The following LDB2 variants were observed in gnomAD, a reference collection of about 807,000 sequenced individuals.
LDB2 encodes the protein LIM domain binding 2, also known as LIM domain-binding protein 2.
LDB2 carries 12 observed loss-of-function variants against 44.3 expected under a neutral mutation model. The observed-to-expected ratio is 0.27, with a 90% CI of 0.17 to 0.44. The LOEUF (loss-of-function observed/expected upper bound fraction) is 0.44, where lower values mean the gene tolerates loss of function less well. Ranked by LOEUF, LDB2 falls within the 20% of genes least tolerant of loss-of-function variation. LDB2 has a pLI of 1.00. For missense variants in LDB2, 344 were observed against 473.5 expected (o/e 0.73, Z 2.54); for synonymous variants, 164 against 174.8 (o/e 0.94, Z 0.49).
intron 1 of LDB2, among the ~76,000 whole-genome samples, chr4:16,834,171 C>T (rs1239690928): frequency 6.6e-6 from 1 of 152,176 alleles, no homozygotes; most frequent in Non-Finnish European, 1.5e-5. Context: ...GGCTTATTGT[C>T]TGTTTTGTTC....
At chr4:16,714,737 C>T (rs1416038945) in intron 2 of LDB2, among the ~76,000 whole-genome samples, 3 of 151,988 alleles carry the variant, frequency 2.0e-5, no homozygotes, top group Non-Finnish European at 2.9e-5. Flanking sequence ...TGTTCCATAC[C>T]GTTCTCCTAA....
At chr4:16,657,555 A>T (rs1024601475) in intron 2 of LDB2, among the ~76,000 whole-genome samples, 4 of 152,166 alleles carry the variant, frequency 2.6e-5, no homozygotes, top group Admixed American at 6.6e-5. Context: ...AAAATACACA[A>T]GTCTGCCACA....
intron 5 of LDB2, among the ~76,000 whole-genome samples, chr4:16,512,465 A>G (rs1379362021): frequency 7.3e-5 from 11 of 150,422 alleles, no homozygotes; most frequent in Non-Finnish European, 1.3e-4. Flanking sequence ...CAAAACAAAA[A>G]CAAACAAACA....
intron 3 of LDB2, among the ~76,000 whole-genome samples, chr4:16,589,211 T>C (rs957123341): frequency 6.6e-6 from 1 of 152,250 alleles, no homozygotes; most frequent in Non-Finnish European, 1.5e-5. Context: ...CTTATTCTAA[T>C]CTTGGTTATC....
intron 2 of LDB2, among the ~76,000 whole-genome samples, chr4:16,597,893 G>A (rs1721443210): frequency 6.6e-6 from 1 of 152,108 alleles, no homozygotes; most frequent in Admixed American, 6.5e-5. Flanking sequence ...AAATTATGTA[G>A]TAAATACACT....
chr4:16,732,742 T>C (rs1286827103), intron 2 of LDB2, among the ~76,000 whole-genome samples: 2 of 152,210 alleles, frequency 1.3e-5, no homozygotes, highest in Non-Finnish European at 2.9e-5. Flanking sequence ...CATGTACATC[T>C]GAAGGATCGG....
intron 2 of LDB2, among the ~76,000 whole-genome samples, chr4:16,647,217 T>A (rs1485934255): frequency 1.3e-5 from 2 of 152,144 alleles, no homozygotes; most frequent in Admixed American, 1.3e-4. Context: ...AAATACCCCA[T>A]GCAGGATGAT....
chr4:16,696,010 G>A (rs1162250547), intron 2 of LDB2, among the ~76,000 whole-genome samples: 1 of 152,158 alleles, frequency 6.6e-6, no homozygotes, highest in Non-Finnish European at 1.5e-5. Context: ...TTGCTCTGAA[G>A]AAGCTGAAAA....
At chr4:16,869,265 G>T (rs1715714171) in intron 1 of LDB2, among the ~76,000 whole-genome samples, 1 of 150,700 alleles carries the variant, frequency 6.6e-6, no homozygotes, top group Admixed American at 6.6e-5. Flanking sequence ...AGGCAGGCCA[G>T]TTCTAAGGGC....
intron 4 of LDB2, among the ~76,000 whole-genome samples, 189 bp from the exon 5 acceptor site, chr4:16,586,194 G>C (rs1205851085): frequency 6.6e-6 from 1 of 152,166 alleles, no homozygotes; most frequent in East Asian, 1.9e-4. Context: ...GACATTTTCA[G>C]ATCAATTGTG....
chr4:16,727,576 T>C (rs1759800696), intron 2 of LDB2, among the ~76,000 whole-genome samples: 1 of 152,220 alleles, frequency 6.6e-6, no homozygotes, highest in South Asian at 2.1e-4. Flanking sequence ...TTCTGTCTCC[T>C]GAATGATTCT....
intron 1 of LDB2, among the ~76,000 whole-genome samples, chr4:16,780,177 A>G (rs1772872002): frequency 6.6e-6 from 1 of 152,046 alleles, no homozygotes; most frequent in South Asian, 2.1e-4. Context: ...TGGTATGAGG[A>G]AAATGGACTG....
At chr4:16,627,235 T>C (rs1249397896) in intron 2 of LDB2, among the ~76,000 whole-genome samples, 2 of 152,168 alleles carry the variant, frequency 1.3e-5, no homozygotes, top group Non-Finnish European at 2.9e-5. Context: ...GTTATATGCT[T>C]AAAACATCTG....
intron 1 of LDB2, among the ~76,000 whole-genome samples, chr4:16,865,361 C>T (rs545677936): frequency 6.6e-6 from 1 of 152,314 alleles, no homozygotes; most frequent in South Asian, 2.1e-4. Context: ...AGCCCTATTG[C>T]AGGAAGCCTC....
intron 1 of LDB2, among the ~76,000 whole-genome samples, chr4:16,871,777 C>A (rs1448673217): frequency 7.9e-6 from 1 of 125,940 alleles, no homozygotes; most frequent in East Asian, 2.0e-4. Flanking sequence ...CCCACCACCA[C>A]GCCCAGCTAA....
chr4:16,805,015 T>C (rs747102928), intron 1 of LDB2, among the ~76,000 whole-genome samples: 1 of 151,562 alleles, frequency 6.6e-6, no homozygotes, highest in Non-Finnish European at 1.5e-5. Flanking sequence ...TGTGTATTCA[T>C]ACAGCAAAGA....
At chr4:16,567,937 C>A (rs1033531354) in intron 5 of LDB2, among the ~76,000 whole-genome samples, 8 of 152,046 alleles carry the variant, frequency 5.3e-5, no homozygotes, top group Non-Finnish European at 1.0e-4. Context: ...CAATAAATGG[C>A]TGTTATATTC....
At chr4:16,664,232 T>C (rs1742398916) in intron 2 of LDB2, among the ~76,000 whole-genome samples, 1 of 152,122 alleles carries the variant, frequency 6.6e-6, no homozygotes, top group Admixed American at 6.6e-5. Context: ...CATTGCCTCT[T>C]CCACCATGTA....
chr4:16,517,869 TGATGAATGAGTGGATG>T (rs1419964416), intron 5 of LDB2, among the ~76,000 whole-genome samples: 1 of 143,808 alleles, frequency 7.0e-6, no homozygotes, highest in South Asian at 2.3e-4. Flanking sequence ...AACAGGAACT[TGATGAATGAGTGGATG>T]GATGGATGGA....
Sources: allele counts gnomAD v4.1 joint callset (sites outside exome capture counted in the v4.1 genomes callset), GRCh38; gene constraint gnomAD v4.1.1; transcripts MANE v1.5; gene names NCBI Gene and HGNC (gene_info 2026-07-23, HGNC 2026-07-21).